The following CRYBG3 variants were observed in gnomAD, a reference collection of about 807,000 sequenced individuals.
CRYBG3 encodes the protein very large A-kinase anchor protein.
A neutral mutation model predicts 244.2 loss-of-function variants in CRYBG3; 127 were observed. The observed-to-expected ratio is 0.52, with a 90% CI of 0.45 to 0.60. The LOEUF (loss-of-function observed/expected upper bound fraction) is 0.60, where lower values mean the gene tolerates loss of function less well. Ranked by LOEUF, CRYBG3 falls within the 20% of genes least tolerant of loss-of-function variation. The pLI is 0.00. For missense variants in CRYBG3, 3,325 were observed against 3,442.5 expected (o/e 0.97, Z 0.85); for synonymous variants, 1,132 against 1,195.8 (o/e 0.95, Z 1.10).
At chr3:97,835,574 T>C (rs1559713005) in intron 1 of CRYBG3, among the ~76,000 whole-genome samples, 1 of 151,876 alleles carries the variant, frequency 6.6e-6, no homozygotes, top group Non-Finnish European at 1.5e-5. Context: ...TAGTAAGGAG[T>C]TGAAATGAAA....
Position 97,872,370 on chromosome 3 carries a change from C to T in CRYBG3, c.1176C>T (p.Val392=), listed in dbSNP as rs1381845104. 1.3e-6 allele frequency: 2 copies of T among 1,535,780 alleles called. No individual in the cohort carries two copies. Among genetic ancestry groups the T allele is most frequent in the Non-Finnish European group, 1.7e-6 (2 of 1,146,818 alleles). The change falls in exon 4 of 22, where the codon GTC becomes GTT. Residue 392 remains valine (V), a synonymous_variant. Transcript: ENST00000389622. ...TAACAGGAAGTAACCATCGCAAAGT[C>T]CCTTGCAGCCCAGATTTTCAGAGAG... The part of the protein sequence containing the change: ...ALLTGSNHRK[V]PCSPDFQRVT...
In CRYBG3 at chr3:97,943,602, CT is replaced by C; in HGVS notation, c.*289del. ...AAGTTTCCTGAAGTGTTTATTTTCTCTCATATCCACCAAACGTGAATCCTGT... is the reference window on the plus strand; with the variant it reads ...AAGTTTCCTGAAGTGTTTATTTTCTCCATATCCACCAAACGTGAATCCTGT... On this transcript the variant is annotated 3_prime_UTR_variant, in exon 22 of 22. Coordinates refer to ENST00000389622, the MANE Select transcript of CRYBG3 (RefSeq NM_153605.4). 2.9e-6 allele frequency: 1 copy of C among 343,446 alleles called. No homozygotes were observed. Among genetic ancestry groups the C allele is most frequent in the Admixed American group, 5.3e-5 (1 of 18,928 alleles). 21.3% of individuals were successfully genotyped at this position (343,446 alleles called of 1,614,324 possible).
intron 2 of CRYBG3, among the ~76,000 whole-genome samples, chr3:97,856,229 G>A (rs937202523): frequency 3.3e-5 from 5 of 152,158 alleles, no homozygotes; most frequent in South Asian, 2.1e-4. Flanking sequence ...GCTCTGTTCC[G>A]CCCAGCTCAC....
At chr3:97,854,826 C>T (rs1048060513) in intron 2 of CRYBG3, among the ~76,000 whole-genome samples, 7 of 151,996 alleles carry the variant, frequency 4.6e-5, no homozygotes, top group East Asian at 1.9e-4. Context: ...TTCCTCTATA[C>T]GAATTTGGAC....
At chr3:97,904,669 T>A (rs2039745197) in intron 15 of CRYBG3, among the ~76,000 whole-genome samples, 1 of 151,144 alleles carries the variant, frequency 6.6e-6, no homozygotes. Context: ...CTTTTATTTT[T>A]ATTTTTTTTA....
intron 17 of CRYBG3, among the ~76,000 whole-genome samples, chr3:97,929,133 A>G (rs894927288): frequency 2.0e-5 from 3 of 151,966 alleles, no homozygotes; most frequent in Admixed American, 2.0e-4. Flanking sequence ...TCCTCTTTGC[A>G]TGATTTAGAC....
rs997674695 is a variant in CRYBG3 at position 97,888,543 on chromosome 3, A to G, written c.7404+88A>G. The G allele has an allele frequency of 9.6e-6, 8 of 834,936 alleles. No homozygotes were observed. The African/African-American group carries it at 1.0e-4, about 11-fold the overall frequency. 51.7% of individuals were successfully genotyped at this position (834,936 alleles called of 1,614,324 possible). ...CCATGATGTTTGCTCATGCATCTCA[A>G]TCTCAAGTGAATATGTGTACTACTG... is the stretch of plus-strand genomic sequence containing the variant. On this transcript the variant is annotated intron_variant, in intron 9 of 21. Coordinates refer to ENST00000389622, the MANE Select transcript of CRYBG3 (RefSeq NM_153605.4).
At position 97,941,323 on chromosome 3, in the gene CRYBG3, A is replaced by T; in HGVS notation, c.8664+17A>T. Reference sequence around the variant, plus strand: ...AAATCCAAGGTAAGCAATCCCACTGATACAGTATGCCACTTTCTGGTCTGT... The same window carrying T: ...AAATCCAAGGTAAGCAATCCCACTGTTACAGTATGCCACTTTCTGGTCTGT... On this transcript the variant is annotated intron_variant, in intron 20 of 21. Coordinates refer to ENST00000389622, the MANE Select transcript of CRYBG3 (RefSeq NM_153605.4). 6.4e-7 allele frequency: 1 copy of T among 1,574,604 alleles called. No individual in the cohort carries two copies. Among genetic ancestry groups the T allele is most frequent in the Non-Finnish European group, 8.6e-7 (1 of 1,156,302 alleles).
intron 6 of CRYBG3, 35 bp from the exon 7 acceptor site, chr3:97,881,037 A>T (rs761689990): frequency 2.1e-5 from 32 of 1,512,002 alleles, no homozygotes; most frequent in Non-Finnish European, 2.8e-5. Context: ...TTAGAAAATT[A>T]AATATAACTC....
intron 8 of CRYBG3, 30 bp downstream of exon 8, chr3:97,886,797 A>C: frequency 3.3e-6 from 5 of 1,500,988 alleles, no homozygotes; most frequent in Non-Finnish European, 1.8e-6. Flanking sequence ...TATTATAGTG[A>C]TTGATGGCCA....
At chr3:97,907,435 G>T (rs1204982190) in intron 15 of CRYBG3, among the ~76,000 whole-genome samples, 1 of 151,366 alleles carries the variant, frequency 6.6e-6, no homozygotes, top group African/African-American at 2.4e-5. Context: ...CCTGTTATTG[G>T]TCTATTCAGA....
intron 17 of CRYBG3, among the ~76,000 whole-genome samples, chr3:97,925,064 C>G (rs989462434): frequency 6.6e-6 from 1 of 151,916 alleles, no homozygotes; most frequent in Admixed American, 6.6e-5. Context: ...GGGAGGCTGA[C>G]CTGGGAGGAC....
chr3:97,915,669 T>A lies in CRYBG3; in HGVS notation c.8174T>A (p.Leu2725His). 1 of 1,613,230 alleles carries A rather than the reference T, an allele frequency of 6.2e-7. No homozygotes were observed. The highest frequency in any genetic ancestry group is 8.5e-7 in the Non-Finnish European group (1 of 1,179,284). ...AATCACTGTGTGTTAGAAGAAGGCC[T>A]CTATGCTGACCTTACTTCCTGCGGT... ...FVNHCVLEEGLYADLTSCGCP... is the reference protein window; with the variant it reads ...FVNHCVLEEGHYADLTSCGCP... The change falls in exon 17 of 22, where the codon CTC becomes CAC. Residue 2725 changes from leucine (L) to histidine (H), a missense_variant. Transcript: ENST00000389622.
chr3:97,909,487 TTTCA>T (rs1309082622), intron 15 of CRYBG3, among the ~76,000 whole-genome samples: 2 of 151,660 alleles, frequency 1.3e-5, no homozygotes, highest in African/African-American at 4.9e-5. Flanking sequence ...TCTCGCTTCA[TTTCA>T]TTCATTTCAT....
rs2039526241 is a variant in CRYBG3 at position 97,887,749 on chromosome 3, T to A, written c.7290-592T>A. On this transcript the variant is annotated intron_variant, in intron 8 of 21. Transcript: ENST00000389622. ...CCAGCCTGGGCAACAAGAGCAAAACTCTGTCTCAAGAAAAAACAACAAAAA... is the reference window on the plus strand; with the variant it reads ...CCAGCCTGGGCAACAAGAGCAAAACACTGTCTCAAGAAAAAACAACAAAAA... 2.6e-5 allele frequency among the ~76,000 whole-genome samples: 4 copies of A among 152,098 alleles called. No homozygotes were observed. In the South Asian group the frequency reaches 8.3e-4, roughly 32 times the overall value.
intron 2 of CRYBG3, among the ~76,000 whole-genome samples, chr3:97,863,979 G>A (rs1012615103): frequency 6.6e-6 from 1 of 152,086 alleles, no homozygotes; most frequent in Admixed American, 6.6e-5. Context: ...AGTTGCTCGT[G>A]CTCTGGGCTC....
intron 2 of CRYBG3, among the ~76,000 whole-genome samples, chr3:97,863,460 T>C (rs367915573): frequency 6.6e-6 from 1 of 152,196 alleles, no homozygotes. Flanking sequence ...TCTTCAAGTA[T>C]GCCCAATGCT....
intron 3 of CRYBG3, among the ~76,000 whole-genome samples, chr3:97,868,414 G>A (rs1385555861): frequency 2.0e-5 from 3 of 152,076 alleles, no homozygotes; most frequent in African/African-American, 2.4e-5. Context: ...CAGAGGGAGT[G>A]TAGCTCATTA....
chr3:97,865,967 A>G (rs2039224683), intron 3 of CRYBG3, among the ~76,000 whole-genome samples: 1 of 152,240 alleles, frequency 6.6e-6, no homozygotes, highest in Non-Finnish European at 1.5e-5. Context: ...ATTATACACA[A>G]AAATGACAGA....
Sources: allele counts gnomAD v4.1 joint callset (sites outside exome capture counted in the v4.1 genomes callset), GRCh38; gene constraint gnomAD v4.1.1; transcripts MANE v1.5; gene names NCBI Gene and HGNC (gene_info 2026-07-23, HGNC 2026-07-21).